Variants in NCOA2 observed in about 807,000 individuals in gnomAD.
NCOA2 encodes the protein nuclear receptor coactivator 2, also known as class E basic helix-loop-helix protein 75.
In NCOA2, 21 loss-of-function variants were observed where a neutral mutation model predicts 145.1. The observed-to-expected ratio is 0.14, with a 90% CI of 0.10 to 0.21. NCOA2 has a LOEUF of 0.21. Among genes scored for constraint, NCOA2 ranks in the 10% least tolerant of loss-of-function variants. The probability of loss-of-function intolerance (pLI) is 1.00; values close to 1 mark genes in which losing one functional copy is unlikely to be tolerated. For missense variants in NCOA2, 1,472 were observed against 1,837.6 expected (o/e 0.80, Z 3.64); for synonymous variants, 619 against 637.5 (o/e 0.97, Z 0.44).
At position 70,121,379 on chromosome 8, in the gene NCOA2, C is replaced by A. The variant is rs1179691919; in HGVS notation, c.4306G>T (p.Ala1436Ser). ...SMGPEQVNDP[A>S]LRGGNLFPNQ... Reference sequence around the variant, plus strand: ...GGGAACAGGTTGCCTCCCCTCAGAGCAGGATCATTAACCTAAGGACAAGAA... The same window carrying A: ...GGGAACAGGTTGCCTCCCCTCAGAGAAGGATCATTAACCTAAGGACAAGAA... Residue 1436 changes from alanine (A) to serine (S), a missense_variant, in exon 22 of 23, where the codon GCT (alanine) becomes TCT (serine). This residue lies in a region of NCOA2 where 232 missense variants were observed against 290.6 expected (regional missense o/e 0.80). Coordinates refer to ENST00000452400, the MANE Select transcript of NCOA2 (RefSeq NM_006540.4). 9 of 1,611,132 alleles carry A rather than the reference C, an allele frequency of 5.6e-6. No individual in the cohort carries two copies. Among genetic ancestry groups the A allele is most frequent in the Admixed American group, 5.0e-5 (3 of 59,712 alleles).
At chr8:70,351,594 C>CT (rs66475474) in intron 1 of NCOA2, among the ~76,000 whole-genome samples, 6,064 of 134,420 alleles carry the variant, frequency 0.045, 279 homozygotes, top group African/African-American at 0.11. Flanking sequence ...TCTTTTTTTC[C>CT]TTTTTTTTTT....
chr8:70,296,042 C>G (rs1234661064), intron 2 of NCOA2, among the ~76,000 whole-genome samples: 1 of 152,130 alleles, frequency 6.6e-6, no homozygotes, highest in Non-Finnish European at 1.5e-5. Flanking sequence ...GTTTATTACC[C>G]GATAATTACT....
intron 1 of NCOA2, among the ~76,000 whole-genome samples, chr8:70,379,576 T>C (rs920288282): frequency 2.6e-5 from 4 of 152,176 alleles, no homozygotes; most frequent in African/African-American, 7.2e-5. Context: ...TCTGCCACCA[T>C]TTTATTTTAT....
chr8:70,213,687 C>T (rs887817347), intron 4 of NCOA2, among the ~76,000 whole-genome samples: 5 of 152,178 alleles, frequency 3.3e-5, no homozygotes, highest in African/African-American at 1.2e-4. Flanking sequence ...TGACTCACCT[C>T]AGTCTTCTCT....
intron 2 of NCOA2, among the ~76,000 whole-genome samples, chr8:70,280,282 C>G (rs1040081966): frequency 2.0e-5 from 3 of 152,120 alleles, no homozygotes; most frequent in Admixed American, 6.5e-5. Flanking sequence ...AATCCTAAGA[C>G]CCTGGGAAAT....
rs1370145211 is a variant in NCOA2 at position 70,175,824 on chromosome 8, A to G, written c.260-965T>C. Among the ~76,000 whole-genome samples the G allele has an allele frequency of 2.6e-5, 4 of 152,320 alleles. No homozygotes were observed. The East Asian group carries it at 5.8e-4, about 22-fold the overall frequency. On this transcript the variant is annotated intron_variant, in intron 4 of 22. Transcript: ENST00000452400. ...TAAACGTAGAAATAGAAAACTGTAA[A>G]TCAATTTAGCACTCAGAATTAACCT...
intron 10 of NCOA2, among the ~76,000 whole-genome samples, chr8:70,158,592 C>T (rs904437686): frequency 1.3e-5 from 2 of 152,030 alleles, no homozygotes; most frequent in Non-Finnish European, 2.9e-5. Flanking sequence ...ATTTGGGAGG[C>T]CAAGGTGGAA....
intron 4 of NCOA2, among the ~76,000 whole-genome samples, chr8:70,194,909 T>C (rs965622365): frequency 2.6e-5 from 4 of 152,182 alleles, no homozygotes; most frequent in African/African-American, 9.7e-5. Flanking sequence ...TTTAATTGTC[T>C]TTCCACTTCA....
intron 1 of NCOA2, among the ~76,000 whole-genome samples, chr8:70,387,285 C>A (rs1463415936): frequency 2.0e-5 from 3 of 152,200 alleles, no homozygotes; most frequent in Non-Finnish European, 4.4e-5. Flanking sequence ...CCTGACTCAG[C>A]CTCCTGAGTA....
chr8:70,400,386 GGT>G (rs1814121731), intron 1 of NCOA2, among the ~76,000 whole-genome samples: 1 of 152,040 alleles, frequency 6.6e-6, no homozygotes, highest in Non-Finnish European at 1.5e-5. Flanking sequence ...ATGCTTGAGA[GGT>G]TTTTTTCCCC....
chr8:70,114,441 T>C (rs1242629188), intron 22 of NCOA2, among the ~76,000 whole-genome samples: 1 of 152,226 alleles, frequency 6.6e-6, no homozygotes, highest in Non-Finnish European at 1.5e-5. Context: ...GGTGCAAATA[T>C]ATCTGTCAAT....
chr8:70,113,356 A>G lies in NCOA2; in HGVS notation c.*276T>C. 2.0e-6 allele frequency: 1 copy of G among 512,046 alleles called. No homozygotes were observed. The highest frequency in any genetic ancestry group is 3.5e-6 in the Non-Finnish European group (1 of 286,408). 31.7% of individuals were successfully genotyped at this position (512,046 alleles called of 1,614,324 possible). On this transcript the variant is annotated 3_prime_UTR_variant, in exon 23 of 23. Coordinates refer to ENST00000452400, the MANE Select transcript of NCOA2 (RefSeq NM_006540.4). ...GTATGAAATTTGCCTGTCAACATTT[A>G]CTTTTGCAGGAGAGATCTAAGTTGC...
the NCOA2 span, among the ~76,000 whole-genome samples, chr8:70,438,929 T>C: frequency 6.6e-5 from 10 of 152,206 alleles, no homozygotes; most frequent in Non-Finnish European, 8.8e-5. Flanking sequence ...TCCAATGGTT[T>C]TCTGCATTGT....
intron 1 of NCOA2, among the ~76,000 whole-genome samples, chr8:70,298,304 C>T (rs962439612): frequency 6.6e-6 from 1 of 152,108 alleles, no homozygotes; most frequent in Non-Finnish European, 1.5e-5. Context: ...GGGAGAGAAA[C>T]AGAAAAAGAT....
rs555617100 is a variant in NCOA2, at chr8:70,392,602, C to CT, written c.-77+11097dup. On this transcript the variant is annotated intron_variant, in intron 1 of 22. Transcript: ENST00000452400. Reference sequence around the variant, plus strand: ...AGCCCTTAAGTGATGCCTTCATTCTCTTTTTTTATCACTTCTTCAATGGAA... The same window carrying CT: ...AGCCCTTAAGTGATGCCTTCATTCTCTTTTTTTTATCACTTCTTCAATGGAA... 9.5e-4 allele frequency among the ~76,000 whole-genome samples: 145 copies of CT among 152,268 alleles called. 2 individuals are homozygous for CT. The highest frequency in any genetic ancestry group is 3.4e-3 in the African/African-American group (141 of 41,560).
intron 11 of NCOA2, among the ~76,000 whole-genome samples, chr8:70,152,816 C>T (rs188228969): frequency 2.0e-5 from 3 of 152,352 alleles, no homozygotes; most frequent in Non-Finnish European, 4.4e-5. Flanking sequence ...GTTAAACACA[C>T]ACTCAGTCAA....
intron 4 of NCOA2, among the ~76,000 whole-genome samples, chr8:70,177,768 G>T (rs1389352308): frequency 1.3e-5 from 2 of 152,100 alleles, no homozygotes; most frequent in African/African-American, 4.8e-5. Flanking sequence ...AATGTTGCGG[G>T]AGAGAGTGAG....
chr8:70,311,425 CTTT>C (rs1805112705), intron 1 of NCOA2, among the ~76,000 whole-genome samples: 1 of 151,588 alleles, frequency 6.6e-6, no homozygotes, highest in Admixed American at 6.6e-5. Flanking sequence ...GTCAGAATTT[CTTT>C]TTTAAAATAT....
chr8:70,123,854 C>A (rs368792639), intron 21 of NCOA2, 30 bp downstream of exon 21: 3 of 1,564,762 alleles, frequency 1.9e-6, no homozygotes, highest in South Asian at 2.4e-5. Flanking sequence ...TGATATGAAG[C>A]CACTGGGTTG....
Sources: gnomAD v4.1 joint callset for allele counts (sites outside exome capture counted in the v4.1 genomes callset) on GRCh38, gnomAD v4.1.1 for gene constraint, gnomAD v4.1.1 regional missense constraint, MANE v1.5 for transcripts, NCBI Gene and HGNC (gene_info 2026-07-23, HGNC 2026-07-21) for gene names.